Variants in ECHS1 observed in about 807,000 individuals in gnomAD.
The protein encoded by ECHS1 is enoyl-CoA hydratase, mitochondrial.
ECHS1 carries 19 observed loss-of-function variants against 33.5 expected under a neutral mutation model. That is an observed-to-expected ratio of 0.57 (90% CI 0.40 to 0.83). ECHS1 has a LOEUF of 0.83. Among genes scored for constraint, ECHS1 ranks in the 40% least tolerant of loss-of-function variants. The probability of loss-of-function intolerance (pLI) is 0.00; values close to 1 mark genes in which losing one functional copy is unlikely to be tolerated. For missense variants in ECHS1, 365 were observed against 381.3 expected, an observed-to-expected ratio of 0.96 and a Z score of 0.36; for synonymous variants, 158 against 146.6, an observed-to-expected ratio of 1.08 and a Z score of -0.56.
In ECHS1 at chr10:133,362,827, G is replaced by C; in HGVS notation, c.*41C>G. On this transcript the variant is annotated 3_prime_UTR_variant, in exon 8 of 8. Transcript: ENST00000368547. ...CTTCTAAAACTGACAGGCTGCACTT[G>C]TCCTCTCCAAGCAGAGGTGTGAAGC... The C allele has an allele frequency of 6.3e-7, 1 of 1,591,676 alleles. No individual in the cohort carries two copies. The highest frequency in any genetic ancestry group is 8.6e-7 in the Non-Finnish European group (1 of 1,159,486).
At position 133,364,638 on chromosome 10, in the gene ECHS1, G is replaced by A; in HGVS notation, c.807+20C>T. On this transcript the variant is annotated intron_variant, in intron 7 of 7. Coordinates refer to ENST00000368547, the MANE Select transcript of ECHS1 (RefSeq NM_004092.4). ...TGACTGGAATTTGCTTGATTCTCCG[G>A]TTGAACACTGTTTACTCACAGTGGC... 1 of 1,597,432 alleles carries A rather than the reference G, an allele frequency of 6.3e-7. No individual in the cohort carries two copies. Among genetic ancestry groups the A allele is most frequent in the Non-Finnish European group, 8.6e-7 (1 of 1,165,574 alleles).
At chr10:133,366,449 T>C (rs1033429103) in intron 5 of ECHS1, among the ~76,000 whole-genome samples, 4 of 152,276 alleles carry the variant, frequency 2.6e-5, no homozygotes, top group African/African-American at 9.6e-5. Flanking sequence ...TGCTGGGCTG[T>C]TATTCTGTAC....
At chr10:133,366,762 C>A in intron 5 of ECHS1, 127 bp downstream of exon 5, 1 of 676,212 alleles carries the variant, frequency 1.5e-6, no homozygotes, top group Non-Finnish European at 2.6e-6. Flanking sequence ...ATGAGGGGGA[C>A]ACCTGGATGC....
At chr10:133,372,708 T>C (rs373705267) in intron 1 of ECHS1, among the ~76,000 whole-genome samples, 3 of 38,606 alleles carry the variant, frequency 7.8e-5, no homozygotes, top group South Asian at 8.9e-4. Flanking sequence ...CAGGGTCAGG[T>C]GGGTGGTGTC....
chr10:133,371,005 C>T (rs373977470), intron 1 of ECHS1, among the ~76,000 whole-genome samples: 12 of 152,350 alleles, frequency 7.9e-5, no homozygotes, highest in African/African-American at 2.2e-4. Context: ...GGGCCGGGCG[C>T]GGTGGCTCAC....
Position 133,370,057 on chromosome 10 carries a change from A to T in ECHS1, c.287-26T>A, listed in dbSNP as rs376899771. 3.6e-5 allele frequency: 58 copies of T among 1,613,018 alleles called. No homozygotes were observed. The East Asian group carries it at 1.2e-3, about 34-fold the overall frequency. On this transcript the variant is annotated intron_variant, in intron 2 of 7. Transcript: ENST00000368547. ...CTAGCAGGAGTGGAAAGGAGGTTCC[A>T]GTTACCAGAGAGCAGAGAGCCCACC...
rs187183122 is a variant in ECHS1 at position 133,367,813 on chromosome 10, G to A, written c.515-820C>T. ...AGTCTTAAAGTCTTTGATCTTTCTT[G>A]TAAGTGCATAGAAGAAAATGCTGAC... On this transcript the variant is annotated intron_variant, in intron 4 of 7. Coordinates refer to ENST00000368547, the MANE Select transcript of ECHS1 (RefSeq NM_004092.4). Among the ~76,000 whole-genome samples the A allele has an allele frequency of 2.2e-3, 340 of 151,994 alleles. 2 individuals are homozygous for A. Among genetic ancestry groups the A allele is most frequent in the Non-Finnish European group, 4.2e-3 (283 of 67,934 alleles).
At chr10:133,368,882 T>C (rs1849067685) in intron 4 of ECHS1, 41 bp downstream of exon 4, 1 of 1,580,782 alleles carries the variant, frequency 6.3e-7, no homozygotes, top group East Asian at 2.2e-5. Context: ...TTTTGAGTAA[T>C]TACCTAAGGC....
chr10:133,372,532 C>T (rs1487393398), intron 1 of ECHS1, among the ~76,000 whole-genome samples: 1 of 152,182 alleles, frequency 6.6e-6, no homozygotes, highest in Non-Finnish European at 1.5e-5. Context: ...TACGCCTGCT[C>T]TTAGAGCCGA....
At chr10:133,365,186 G>C (rs1021043437) in intron 6 of ECHS1, among the ~76,000 whole-genome samples, 1 of 152,244 alleles carries the variant, frequency 6.6e-6, no homozygotes, top group Admixed American at 6.5e-5. Context: ...AGATCCAGGT[G>C]CGCAGATGGA....
intron 5 of ECHS1, 65 bp downstream of exon 5, chr10:133,366,824 T>C (rs1010685339): frequency 1.5e-6 from 2 of 1,320,996 alleles, no homozygotes; most frequent in African/African-American, 1.5e-5. Context: ...GATGCCGCCC[T>C]GGGTTTCTGT....
In ECHS1 at chr10:133,364,706, T is replaced by G; in HGVS notation, c.759A>C (p.Thr253=). The change falls in exon 7 of 8, where the codon ACA becomes ACC. Residue 253 remains threonine (T), a synonymous_variant. Transcript: ENST00000368547. The part of the protein sequence containing the change: ...SVNAAFEMTL[T]EGSKLEKKLF... ...GTTTCTTCTCCAACTTACTTCCTTC[T>G]GTTAATGTCATTTCAAAAGCTGAAA... 6.2e-7 allele frequency: 1 copy of G among 1,613,804 alleles called. No individual in the cohort carries two copies. The highest frequency in any genetic ancestry group is 8.5e-7 in the Non-Finnish European group (1 of 1,179,768).
At position 133,362,867 on chromosome 10, in the gene ECHS1, C is replaced by A; in HGVS notation, c.*1G>T. ...AGGTGTGAAGCAGGGGCAGCTGGTT[C>A]TCACTGGTCTTTGAAGTTGGCCTTT... On this transcript the variant is annotated 3_prime_UTR_variant, in exon 8 of 8. Transcript: ENST00000368547. 6.2e-7 allele frequency: 1 copy of A among 1,614,166 alleles called. No individual in the cohort carries two copies. Among genetic ancestry groups the A allele is most frequent in the Non-Finnish European group, 8.5e-7 (1 of 1,180,018 alleles).
chr10:133,363,744 A>C (rs1848996544), intron 7 of ECHS1, among the ~76,000 whole-genome samples: 1 of 152,200 alleles, frequency 6.6e-6, no homozygotes, highest in African/African-American at 2.4e-5. Flanking sequence ...AGATCTCACC[A>C]CTGCATTCCA....
intron 1 of ECHS1, among the ~76,000 whole-genome samples, chr10:133,371,101 C>T (rs537334041): frequency 1.6e-4 from 24 of 152,268 alleles, no homozygotes; most frequent in Admixed American, 1.2e-3. Context: ...CACGGTGAAA[C>T]GCCGTCTCTA....
chr10:133,367,863 C>T (rs908027443), intron 4 of ECHS1, among the ~76,000 whole-genome samples: 20 of 152,118 alleles, frequency 1.3e-4, no homozygotes, highest in Admixed American at 6.5e-4. Flanking sequence ...CTCTCTGCTT[C>T]GGCTACCTAA....
At position 133,369,590 on chromosome 10, in the gene ECHS1, C is replaced by A. The variant is rs10776675; in HGVS notation, c.414+314G>T. ...GATCAGTCTCAGCACTTCAAATAGT[C>A]CCAGGACACAGAGCTTTCAAGGGGA... On this transcript the variant is annotated intron_variant, in intron 3 of 7. Coordinates refer to ENST00000368547, the MANE Select transcript of ECHS1 (RefSeq NM_004092.4). 0.86 allele frequency among the ~76,000 whole-genome samples: 118,710 copies of A among 137,568 alleles called. 54,739 individuals carry two copies. Among genetic ancestry groups the A allele is most frequent in the Non-Finnish European group, 0.99 (61,161 of 62,030 alleles). The allele number at this position is 137,568 out of a possible 152,430, so 90.2% of individuals were successfully genotyped here.
At chr10:133,362,966 C>T (rs1473400938) in intron 7 of ECHS1, 33 bp from the exon 8 acceptor site, 22 of 1,610,648 alleles carry the variant, frequency 1.4e-5, no homozygotes, top group East Asian at 6.7e-5. Flanking sequence ...CAGAGCTGGA[C>T]GCGCAGTATC....
chr10:133,371,153 T>A (rs1849103676), intron 1 of ECHS1, among the ~76,000 whole-genome samples: 1 of 151,784 alleles, frequency 6.6e-6, no homozygotes, highest in Non-Finnish European at 1.5e-5. Context: ...GGCGGGCGCC[T>A]GTAGTCCCAG....
Sources: allele counts gnomAD v4.1 joint callset (sites outside exome capture counted in the v4.1 genomes callset), GRCh38; gene constraint gnomAD v4.1.1; transcripts MANE v1.5; gene names NCBI Gene and HGNC (gene_info 2026-07-23, HGNC 2026-07-21).